The following SPIDR variants were observed in gnomAD, a reference collection of about 807,000 sequenced individuals.
SPIDR encodes the protein DNA repair-scaffolding protein.
In SPIDR, 93 loss-of-function variants were observed where a neutral mutation model predicts 104.6. That is an observed-to-expected ratio of 0.89 (90% confidence interval 0.75 to 1.06). The LOEUF (loss-of-function observed/expected upper bound fraction) is 1.06. Ranked by LOEUF, SPIDR falls within the 50% of genes least tolerant of loss-of-function variation. SPIDR has a pLI of 0.00. For missense variants in SPIDR, 1,154 were observed against 1,111.2 expected (o/e 1.04, Z -0.55); for synonymous variants, 431 against 416.9 (o/e 1.03, Z -0.41).
In SPIDR at chr8:47,599,167, C is replaced by T. The variant is rs2061966734; in HGVS notation, c.1515C>T (p.Ser505=). Residue 505 remains serine (S), a synonymous_variant, in exon 10 of 20, where the codon AGC becomes AGT. Transcript: ENST00000297423. ...RDSTRGQQGA[S]SGHTDPAGTR... ...GCACCAGGGGTCAGCAGGGGGCCAG[C>T]TCAGGACACACAGACCCAGCTGGAA... 1.9e-6 allele frequency: 3 copies of T among 1,613,620 alleles called. No individual in the cohort carries two copies. Among genetic ancestry groups the T allele is most frequent in the African/African-American group, 1.3e-5 (1 of 74,898 alleles).
At chr8:47,440,301 T>A in intron 7 of SPIDR, 22 bp from the exon 8 acceptor site, 2 of 1,604,266 alleles carry the variant, frequency 1.2e-6, no homozygotes, top group South Asian at 2.2e-5. Context: ...ATTTTTGCTT[T>A]GTTCTTTTCT....
intron 10 of SPIDR, among the ~76,000 whole-genome samples, chr8:47,640,113 C>T (rs558118386): frequency 8.5e-5 from 13 of 152,306 alleles, no homozygotes; most frequent in African/African-American, 2.2e-4. Flanking sequence ...TTCCAGCTTT[C>T]GAACCACTTA....
chr8:47,262,316 G>A (rs2032652905), intron 1 of SPIDR, among the ~76,000 whole-genome samples: 1 of 152,074 alleles, frequency 6.6e-6, no homozygotes. Context: ...CATTTTTCAA[G>A]ACTCTTTTTT....
intron 5 of SPIDR, among the ~76,000 whole-genome samples, chr8:47,338,362 C>T (rs1554611251): frequency 6.6e-6 from 1 of 152,104 alleles, no homozygotes; most frequent in Non-Finnish European, 1.5e-5. Flanking sequence ...CAATAACTAC[C>T]TTTGAGAGAG....
chr8:47,644,412 C>A (rs890011939), intron 10 of SPIDR, among the ~76,000 whole-genome samples: 1 of 152,170 alleles, frequency 6.6e-6, no homozygotes, highest in Non-Finnish European at 1.5e-5. Flanking sequence ...ATGACGTAAT[C>A]GTGTTACCTT....
intron 10 of SPIDR, among the ~76,000 whole-genome samples, chr8:47,625,870 A>G (rs2065998795): frequency 1.3e-5 from 2 of 152,258 alleles, no homozygotes; most frequent in South Asian, 4.1e-4. Flanking sequence ...CTTTCTTCAC[A>G]GAATTGGAAA....
intron 7 of SPIDR, among the ~76,000 whole-genome samples, chr8:47,417,157 G>A (rs1292831259): frequency 6.6e-6 from 1 of 152,118 alleles, no homozygotes; most frequent in South Asian, 2.1e-4. Flanking sequence ...TGGGATGGCT[G>A]GGTCAAATGG....
intron 1 of SPIDR, among the ~76,000 whole-genome samples, chr8:47,269,509 G>T (rs1182986873): frequency 1.0e-4 from 15 of 150,442 alleles, no homozygotes; most frequent in Admixed American, 8.6e-4. Flanking sequence ...GCCCACCTTG[G>T]CCTCCCAAAG....
intron 5 of SPIDR, among the ~76,000 whole-genome samples, chr8:47,389,395 G>A (rs1227979632): frequency 1.3e-5 from 2 of 152,006 alleles, no homozygotes; most frequent in African/African-American, 4.8e-5. Context: ...TTTGGTAAAG[G>A]ATAAAAGTTT....
At chr8:47,338,464 A>C (rs1554611352) in intron 5 of SPIDR, among the ~76,000 whole-genome samples, 1 of 152,174 alleles carries the variant, frequency 6.6e-6, no homozygotes, top group East Asian at 1.9e-4. Flanking sequence ...GCATTAATGA[A>C]CTGCAGCAGA....
chr8:47,457,266 C>T (rs950791365), intron 8 of SPIDR, among the ~76,000 whole-genome samples: 1 of 152,086 alleles, frequency 6.6e-6, no homozygotes, highest in Non-Finnish European at 1.5e-5. Context: ...ACATCAACAT[C>T]TATTATTTTT....
chr8:47,730,590 AT>A (rs373317602), intron 19 of SPIDR, among the ~76,000 whole-genome samples: 9 of 151,786 alleles, frequency 5.9e-5, no homozygotes, highest in South Asian at 2.1e-4. Context: ...TCTAGCCAGA[AT>A]TTTTTTTTAG....
rs142593040 is a variant in SPIDR at position 47,693,097 on chromosome 8, G to A, written c.1686-7306G>A. On this transcript the variant is annotated intron_variant, in intron 11 of 19. Coordinates refer to ENST00000297423, the MANE Select transcript of SPIDR (RefSeq NM_001080394.4). ...CTACCAGTTTGTTCATGATCTCTTG[G>A]GCTATTTGTTGCTGTCTGCCTAGCA... Among the ~76,000 whole-genome samples the A allele has an allele frequency of 7.3e-4, 111 of 152,232 alleles. 2 individuals carry two copies. Among genetic ancestry groups the A allele is most frequent in the African/African-American group, 2.5e-3 (104 of 41,540 alleles).
intron 3 of SPIDR, among the ~76,000 whole-genome samples, chr8:47,289,652 A>G (rs1333327364): frequency 6.6e-6 from 1 of 152,170 alleles, no homozygotes; most frequent in African/African-American, 2.4e-5. Flanking sequence ...TCACCAGTAC[A>G]TTGCAGGTGT....
intron 7 of SPIDR, among the ~76,000 whole-genome samples, chr8:47,420,152 T>A (rs535945258): frequency 6.6e-6 from 1 of 152,304 alleles, no homozygotes; most frequent in East Asian, 1.9e-4. Flanking sequence ...AGAGCTGAGT[T>A]CAATTCCTGG....
At chr8:47,660,397 TG>T (rs1317256333) in intron 10 of SPIDR, 1 of 941,114 alleles carries the variant, frequency 1.1e-6, no homozygotes, top group Non-Finnish European at 1.3e-6. Context: ...CTGTGGAATG[TG>T]GTTTCATCTG....
At chr8:47,713,725 T>C in intron 16 of SPIDR, 84 bp downstream of exon 16, 1 of 1,541,346 alleles carries the variant, frequency 6.5e-7, no homozygotes, top group East Asian at 2.3e-5. Flanking sequence ...ATTCAACAAG[T>C]ATTTGTGGAG....
chr8:47,552,329 T>A (rs1196155584), intron 8 of SPIDR, among the ~76,000 whole-genome samples: 1 of 152,190 alleles, frequency 6.6e-6, no homozygotes, highest in Non-Finnish European at 1.5e-5. Context: ...ATATCCTTGT[T>A]TACTTTCTGT....
At chr8:47,363,832 G>T (rs1388268783) in intron 5 of SPIDR, among the ~76,000 whole-genome samples, 4 of 149,612 alleles carry the variant, frequency 2.7e-5, no homozygotes, top group African/African-American at 7.4e-5. Context: ...TGGTTTTTCT[G>T]TTCTGTAGGT....
Sources: allele counts gnomAD v4.1 joint callset (sites outside exome capture counted in the v4.1 genomes callset), GRCh38; gene constraint gnomAD v4.1.1; transcripts MANE v1.5; gene names NCBI Gene and HGNC (gene_info 2026-07-23, HGNC 2026-07-21).